The following APP variants were observed in gnomAD, a reference collection of about 807,000 sequenced individuals.
APP encodes amyloid-beta precursor protein.
APP carries 31 observed loss-of-function variants against 101.4 expected under a neutral mutation model. The ratio of observed to expected loss-of-function variants is 0.31; its 90% CI spans 0.23 to 0.41. The LOEUF is 0.41. Ranked by LOEUF, APP falls within the 10% of genes least tolerant of loss-of-function variation. The probability of loss-of-function intolerance (pLI) is 1.00; values close to 1 mark genes in which losing one functional copy is unlikely to be tolerated. For missense variants in APP, 839 were observed against 1,003.7 expected (o/e 0.84, Z 2.22); for synonymous variants, 366 against 364.4 (o/e 1.00, Z -0.05).
rs2036946887 is a variant in APP, at chr21:25,880,932, A to ACCCCTCCCCACC, written c.*726_*737dup. ...CTTGGTAATTGAAGACCAGCAGAGCACCCCTCCCCACCCGCCCCGTAAAAG... is the reference window on the plus strand; with the variant it reads ...CTTGGTAATTGAAGACCAGCAGAGCACCCCTCCCCACCCCCCTCCCCACCCGCCCCGTAAAAG... On this transcript the variant is annotated 3_prime_UTR_variant, in exon 18 of 18. Transcript: ENST00000346798. 1.3e-5 allele frequency: 2 copies of ACCCCTCCCCACC among 151,210 alleles called. No individual in the cohort carries two copies. Among genetic ancestry groups the ACCCCTCCCCACC allele is most frequent in the Non-Finnish European group, 1.5e-5 (1 of 67,812 alleles). The allele number at this position is 151,210 out of a possible 1,614,324, so 9.4% of individuals were successfully genotyped here.
chr21:26,058,490 A>G (rs1006081182), intron 3 of APP, among the ~76,000 whole-genome samples: 2 of 152,240 alleles, frequency 1.3e-5, no homozygotes, highest in African/African-American at 4.8e-5. Flanking sequence ...AATTTAAAGT[A>G]TATTTTTCGA....
intron 13 of APP, among the ~76,000 whole-genome samples, chr21:25,925,217 T>C (rs1406353407): frequency 0.033 from 4 of 122 alleles, no homozygotes; most frequent in African/African-American, 0.18. Flanking sequence ...ACCAGGGCTA[T>C]GAGAAACAGA....
At chr21:26,061,717 T>C (rs1568926577) in intron 3 of APP, among the ~76,000 whole-genome samples, 1 of 152,244 alleles carries the variant, frequency 6.6e-6, no homozygotes. Context: ...TATTACCGGA[T>C]AATAGTGAGA....
At chr21:26,043,298 C>T (rs913956012) in intron 5 of APP, among the ~76,000 whole-genome samples, 11 of 151,856 alleles carry the variant, frequency 7.2e-5, no homozygotes, top group African/African-American at 1.5e-4. Context: ...TGCAGTGGTG[C>T]GATCTCAGCT....
chr21:26,066,212 T>C (rs896367609), intron 3 of APP, among the ~76,000 whole-genome samples: 10 of 152,220 alleles, frequency 6.6e-5, no homozygotes, highest in African/African-American at 2.4e-4. Context: ...TCCCAAGTGA[T>C]GTGATTCAGC....
At chr21:26,029,324 G>A (rs1287614715) in intron 5 of APP, among the ~76,000 whole-genome samples, 2 of 148,808 alleles carry the variant, frequency 1.3e-5, no homozygotes, top group African/African-American at 2.5e-5. Flanking sequence ...CAGGAGCTAG[G>A]GGTACACTGG....
At chr21:25,909,120 G>A (rs530219823) in intron 14 of APP, among the ~76,000 whole-genome samples, 14 of 152,030 alleles carry the variant, frequency 9.2e-5, no homozygotes, top group African/African-American at 9.6e-5. Context: ...AAAATTAGCC[G>A]GGCGTGGTGG....
At chr21:26,155,224 T>C (rs762983231) in intron 1 of APP, among the ~76,000 whole-genome samples, 1 of 152,084 alleles carries the variant, frequency 6.6e-6, no homozygotes, top group Admixed American at 6.5e-5. Flanking sequence ...CAAGCTAGAT[T>C]GCACTCTAGC....
Position 26,077,042 on chromosome 21 carries a change from G to A in APP, c.355+12901C>T, listed in dbSNP as rs1342179904. 9.7e-5 allele frequency among the ~76,000 whole-genome samples: 14 copies of A among 144,640 alleles called. No individual in the cohort carries two copies. The East Asian group carries it at 1.6e-3, about 17-fold the overall frequency. 94.9% of individuals were successfully genotyped at this position (144,640 alleles called of 152,430 possible). A position where few individuals can be genotyped will look rare whatever the true frequency, so the allele number is the denominator to read the frequency against. ...TGCGCCACTGCGCTCCAGCCTGGGC[G>A]ACAGAGTGAGACTCTGTCTCAAAAA... is the stretch of plus-strand genomic sequence containing the variant. On this transcript the variant is annotated intron_variant, in intron 3 of 17. Coordinates refer to ENST00000346798, the MANE Select transcript of APP (RefSeq NM_000484.4).
chr21:26,148,129 C>G (rs951177341), intron 1 of APP, among the ~76,000 whole-genome samples: 2 of 152,202 alleles, frequency 1.3e-5, no homozygotes, highest in Non-Finnish European at 2.9e-5. Flanking sequence ...TTTCAGGAAG[C>G]CTCTGCAAGT....
chr21:25,965,919 G>A lies in APP; in HGVS notation c.1458+9151C>T, dbSNP rs188000708. Among the ~76,000 whole-genome samples, 40 of 152,208 alleles carry A rather than the reference G, an allele frequency of 2.6e-4. 1 individual carries two copies. Among genetic ancestry groups the A allele is most frequent in the Middle Eastern group, 6.8e-3 (2 of 294 alleles). The stretch of plus-strand genomic sequence containing the variant: ...AAGAAAGCAGAGCGTAAAACCATAC[G>A]GTGCTATGGGTTTTAATAGCATCCT... On this transcript the variant is annotated intron_variant, in intron 11 of 17. Transcript: ENST00000346798.
chr21:25,998,991 C>A (rs979668395), intron 7 of APP, among the ~76,000 whole-genome samples: 4 of 152,178 alleles, frequency 2.6e-5, no homozygotes, highest in African/African-American at 9.7e-5. Context: ...AAGAGAAAGA[C>A]TTTGAAAATT....
At chr21:25,921,609 T>A (rs2039645951) in intron 13 of APP, among the ~76,000 whole-genome samples, 1 of 142,700 alleles carries the variant, frequency 7.0e-6, no homozygotes, top group Non-Finnish European at 1.5e-5. Flanking sequence ...TCTACACAAA[T>A]AAACTAGAAA....
intron 8 of APP, among the ~76,000 whole-genome samples, chr21:25,995,572 CAA>C (rs2043020923): frequency 1.3e-5 from 1 of 77,600 alleles, no homozygotes; most frequent in African/African-American, 5.3e-5. Flanking sequence ...AAAATGCCCA[CAA>C]AGTGTTCTGA....
chr21:26,142,113 A>T (rs1372320339), intron 1 of APP, among the ~76,000 whole-genome samples: 1 of 152,190 alleles, frequency 6.6e-6, no homozygotes, highest in Non-Finnish European at 1.5e-5. Context: ...CACAAGGAGT[A>T]TTTGCACCAT....
At chr21:25,989,057 A>G (rs1161129330) in intron 8 of APP, among the ~76,000 whole-genome samples, 1 of 152,174 alleles carries the variant, frequency 6.6e-6, no homozygotes, top group Non-Finnish European at 1.5e-5. Context: ...GCTGCACCCA[A>G]CGTTCCTATC....
intron 2 of APP, among the ~76,000 whole-genome samples, chr21:26,100,724 T>C (rs751912070): frequency 6.6e-6 from 1 of 152,220 alleles, no homozygotes; most frequent in Non-Finnish European, 1.5e-5. Flanking sequence ...CTGTGCTTTG[T>C]TTGCTGATCC....
intron 11 of APP, among the ~76,000 whole-genome samples, chr21:25,960,130 C>T (rs2041513472): frequency 2.0e-5 from 3 of 152,110 alleles, no homozygotes; most frequent in Middle Eastern, 3.4e-3. Flanking sequence ...GTTTCCAGAA[C>T]TTATATGCCT....
rs554356182 is a variant in APP, at chr21:25,979,541, G to A, written c.1224+2803C>T. On this transcript the variant is annotated intron_variant, in intron 9 of 17. Transcript: ENST00000346798. ...GATTTCAGGTGTCTCACATTCCTATGACCACTGGAATCTAGTAGACAACAT... is the reference window on the plus strand; with the variant it reads ...GATTTCAGGTGTCTCACATTCCTATAACCACTGGAATCTAGTAGACAACAT... 7.9e-5 allele frequency among the ~76,000 whole-genome samples: 12 copies of A among 152,230 alleles called. No homozygotes were observed. The East Asian group carries it at 2.3e-3, about 29-fold the overall frequency.
Sources: allele counts gnomAD v4.1 joint callset (sites outside exome capture counted in the v4.1 genomes callset), GRCh38; gene constraint gnomAD v4.1.1; transcripts MANE v1.5; gene names NCBI Gene and HGNC (gene_info 2026-07-23, HGNC 2026-07-21).